CACNA1D: variants seen among roughly 807,000 people sequenced by gnomAD.
CACNA1D encodes the protein calcium voltage-gated channel subunit alpha1 D.
Under a neutral mutation model 257.1 loss-of-function variants are expected in CACNA1D, and 55 were observed. That is an observed-to-expected ratio of 0.21 (90% CI 0.17 to 0.27). The LOEUF (loss-of-function observed/expected upper bound fraction) is 0.27, where lower values mean the gene tolerates loss of function less well. Among genes scored for constraint, CACNA1D ranks in the 10% least tolerant of loss-of-function variants. CACNA1D has a pLI of 1.00. For missense variants in CACNA1D, 1,876 were observed against 2,784.0 expected, an observed-to-expected ratio of 0.67 and a Z score of 7.34; for synonymous variants, 980 against 1,014.9, an observed-to-expected ratio of 0.97 and a Z score of 0.65.
At chr3:53,627,004 T>C (rs1157969854) in intron 3 of CACNA1D, among the ~76,000 whole-genome samples, 1 of 152,204 alleles carries the variant, frequency 6.6e-6, no homozygotes, top group Non-Finnish European at 1.5e-5. Context: ...GGCAGAGGGA[T>C]AGGAGCAAGT....
intron 8 of CACNA1D, among the ~76,000 whole-genome samples, chr3:53,687,518 TAAAAAAA>T (rs11297779): frequency 6.8e-6 from 1 of 147,958 alleles, no homozygotes; most frequent in Non-Finnish European, 1.5e-5. Flanking sequence ...TCTTTTTAGT[TAAAAAAA>T]AAAAAATAAG....
intron 30 of CACNA1D, among the ~76,000 whole-genome samples, chr3:53,768,300 G>A (rs1184589660): frequency 1.3e-5 from 2 of 152,158 alleles, no homozygotes; most frequent in African/African-American, 2.4e-5. Context: ...CTGTAGAGCC[G>A]TCTCTCTCGT....
Position 53,793,356 on chromosome 3 carries a change from T to G in CACNA1D, c.4923+6404T>G, listed in dbSNP as rs779332713. On this transcript the variant is annotated intron_variant, in intron 40 of 47. Transcript: ENST00000350061. This position sits in a 1 kb window ranked among gnomAD's most constrained non-coding sequence, Gnocchi z 4.1. ...CGTCAGTCCTGTGGGGGTCCGTCAG[T>G]CCCTCTGTCTGTCTTTGACCCACCC... Among the ~76,000 whole-genome samples the G allele has an allele frequency of 2.0e-5, 3 of 152,196 alleles. No individual in the cohort carries two copies. Among genetic ancestry groups the G allele is most frequent in the Admixed American group, 1.3e-4 (2 of 15,290 alleles).
At chr3:53,685,991 A>G (rs1288254845) in intron 8 of CACNA1D, among the ~76,000 whole-genome samples, 1 of 152,086 alleles carries the variant, frequency 6.6e-6, no homozygotes, top group Non-Finnish European at 1.5e-5. Flanking sequence ...TAAATCTCTA[A>G]CAAAACTAAT....
chr3:53,531,529 A>G (rs2091949191), intron 3 of CACNA1D, among the ~76,000 whole-genome samples: 1 of 152,220 alleles, frequency 6.6e-6, no homozygotes, highest in African/African-American at 2.4e-5. Context: ...TTTAGGCTAA[A>G]AGAAACAAAG....
Position 53,800,611 on chromosome 3 carries a change from G to A in CACNA1D, c.5040+246G>A. On this transcript the variant is annotated intron_variant, in intron 41 of 47. Transcript: ENST00000350061. The surrounding 1 kb of genome is among the most constrained non-coding windows in gnomAD (Gnocchi z 4.3). ...TCCCCTCACTGCCTGCTTCTGAGGA[G>A]CTCGGCCACAGCCGCTGGCCCTGTG... 1 of 562,142 alleles carries A rather than the reference G, an allele frequency of 1.8e-6. No homozygotes were observed. The highest frequency in any genetic ancestry group is 1.9e-5 in the South Asian group (1 of 52,946). The allele number at this position is 562,142 out of a possible 1,614,324, so 34.8% of individuals were successfully genotyped here.
intron 3 of CACNA1D, among the ~76,000 whole-genome samples, chr3:53,581,165 C>T (rs182514381): frequency 1.5e-3 from 234 of 152,326 alleles, no homozygotes; most frequent in Non-Finnish European, 2.2e-3. Flanking sequence ...AAGCCTTGTA[C>T]ATGTGTGAGG....
At chr3:53,768,468 T>TA (rs1464353731) in intron 30 of CACNA1D, among the ~76,000 whole-genome samples, 3 of 152,198 alleles carry the variant, frequency 2.0e-5, no homozygotes, top group African/African-American at 7.2e-5. Flanking sequence ...ATGAGAACTT[T>TA]AAAAAATTAG....
chr3:53,522,444 TG>T (rs11339954), intron 3 of CACNA1D, among the ~76,000 whole-genome samples: 12,778 of 152,236 alleles, frequency 0.084, 1,800 homozygotes, highest in African/African-American at 0.29. Context: ...GCATAGTTTT[TG>T]GATGTGGTTG....
chr3:53,798,414 G>C (rs1261481733), intron 40 of CACNA1D, among the ~76,000 whole-genome samples: 1 of 152,178 alleles, frequency 6.6e-6, no homozygotes, highest in African/African-American at 2.4e-5. Flanking sequence ...CATGCATCCT[G>C]AGCCTGTGAT....
At chr3:53,778,085 C>T (rs2095407507) in intron 37 of CACNA1D, among the ~76,000 whole-genome samples, 1 of 152,166 alleles carries the variant, frequency 6.6e-6, no homozygotes, top group Non-Finnish European at 1.5e-5. Flanking sequence ...CAAAGAAATC[C>T]CTTGAGCCAG....
At chr3:53,602,739 G>A (rs2093459947) in intron 3 of CACNA1D, among the ~76,000 whole-genome samples, 1 of 152,120 alleles carries the variant, frequency 6.6e-6, no homozygotes, top group Non-Finnish European at 1.5e-5. Context: ...CCTGTTGGCC[G>A]TTTGTCTTCT....
At chr3:53,589,580 T>A (rs573463907) in intron 3 of CACNA1D, among the ~76,000 whole-genome samples, 1 of 152,334 alleles carries the variant, frequency 6.6e-6, no homozygotes, top group African/African-American at 2.4e-5. Context: ...GGTTCACTGA[T>A]GACCCCGATA....
chr3:53,623,516 T>G (rs1236952240), intron 3 of CACNA1D, among the ~76,000 whole-genome samples: 3 of 152,234 alleles, frequency 2.0e-5, no homozygotes, highest in African/African-American at 7.2e-5. Context: ...CTTCTCTGTG[T>G]ATTTGAAGAT....
At chr3:53,808,309 G>C (rs2095577631) in intron 45 of CACNA1D, 1 of 308,364 alleles carries the variant, frequency 3.2e-6, no homozygotes, top group South Asian at 3.0e-5. Flanking sequence ...AGCTACTCGG[G>C]AGGCTGAGGC....
intron 3 of CACNA1D, among the ~76,000 whole-genome samples, chr3:53,628,348 A>G (rs1047462603): frequency 3.3e-5 from 5 of 152,146 alleles, no homozygotes; most frequent in African/African-American, 1.2e-4. Context: ...TAAGCTCCCC[A>G]TCTTCCAAAC....
At chr3:53,521,943 A>G (rs534665620) in intron 3 of CACNA1D, among the ~76,000 whole-genome samples, 17 of 149,598 alleles carry the variant, frequency 1.1e-4, no homozygotes, top group African/African-American at 4.2e-4. Flanking sequence ...TGGAAAACAT[A>G]GTGAGACCCC....
In CACNA1D at chr3:53,747,322, A is replaced by C. The variant is rs768907021; in HGVS notation, c.3188A>C (p.Lys1063Thr). The C allele has an allele frequency of 4.3e-6, 7 of 1,613,994 alleles. No individual in the cohort carries two copies. The Admixed American group carries it at 1.2e-4, about 27-fold the overall frequency. Reference sequence around the variant, plus strand: ...TCCAGGGGACTTTTCATCCTCTACAAGGATGGGGATGTTGACAGTCCTGTG... The same window carrying C: ...TCCAGGGGACTTTTCATCCTCTACACGGATGGGGATGTTGACAGTCCTGTG... ...EECRGLFILYKDGDVDSPVVR... is the reference protein window; with the variant it reads ...EECRGLFILYTDGDVDSPVVR... Residue 1063 changes from lysine (K) to threonine (T), a missense_variant, in exon 26 of 48, where the codon AAG (lysine) becomes ACG (threonine). By Grantham distance (78) the Lys-to-Thr change is moderately conservative. Around this residue, in one of 10 missense-constraint regions of CACNA1D, gnomAD observed 271 missense variants for 425.5 expected, o/e 0.64. Coordinates refer to ENST00000350061, the MANE Select transcript of CACNA1D (RefSeq NM_001128840.3).
intron 7 of CACNA1D, among the ~76,000 whole-genome samples, chr3:53,669,309 C>T (rs1445106235): frequency 6.6e-6 from 1 of 152,278 alleles, no homozygotes; most frequent in East Asian, 1.9e-4. Context: ...TGGCACCGAG[C>T]AGGCACTCAA....
Sources: allele counts gnomAD v4.1 joint callset (sites outside exome capture counted in the v4.1 genomes callset), GRCh38; gene constraint gnomAD v4.1.1; regional missense constraint gnomAD v4.1.1; non-coding constraint Gnocchi (gnomAD v3.1); transcripts MANE v1.5; gene names NCBI Gene and HGNC (gene_info 2026-07-23, HGNC 2026-07-21).